The following TPRA1 variants were observed in gnomAD, a reference collection of about 807,000 sequenced individuals.
The protein encoded by TPRA1 is transmembrane protein adipocyte-associated 1.
A neutral mutation model predicts 40.1 loss-of-function variants in TPRA1; 28 were observed. That is an observed-to-expected ratio of 0.70 (90% CI 0.52 to 0.96). The LOEUF (loss-of-function observed/expected upper bound fraction) is 0.96. Among genes scored for constraint, TPRA1 ranks in the 40% least tolerant of loss-of-function variants. TPRA1 has a pLI of 0.00. For missense variants in TPRA1, 441 were observed against 482.6 expected, an observed-to-expected ratio of 0.91 and a Z score of 0.81; for synonymous variants, 219 against 209.7, an observed-to-expected ratio of 1.04 and a Z score of -0.38.
chr3:127,579,713 C>T (rs765837422), intron 3 of TPRA1, 27 bp downstream of exon 3: 1 of 1,611,876 alleles, frequency 6.2e-7, no homozygotes, highest in African/African-American at 1.3e-5. Flanking sequence ...TTGGAGTTGG[C>T]TTTTCTGTCA....
At position 127,573,725 on chromosome 3, in the gene TPRA1, TA is replaced by T; in HGVS notation, c.917del (p.Val306AspfsTer202). 2.5e-6 allele frequency: 4 copies of T among 1,606,474 alleles called. No individual in the cohort carries two copies. The highest frequency in any genetic ancestry group is 3.4e-6 in the Non-Finnish European group (4 of 1,174,036). The stretch of plus-strand genomic sequence containing the variant: ...CCACAGCGTAGGGCTGGGGTAGGTG[TA>T]CATCTGGCTCCTCTGTCTCGTCCAC... ...CQVDETEEPD[V>X]HLPQPYAVAR... On this transcript the variant is annotated frameshift_variant, in exon 11 of 11. Coordinates refer to ENST00000355552, the MANE Select transcript of TPRA1 (RefSeq NM_001136053.4). LOFTEE classifies it high-confidence loss of function.
intron 1 of TPRA1, among the ~76,000 whole-genome samples, chr3:127,597,492 T>C (rs1183557966): frequency 6.6e-6 from 1 of 152,216 alleles, no homozygotes; most frequent in African/African-American, 2.4e-5. Flanking sequence ...ATCCGGATTT[T>C]CTCTCCCTCA....
chr3:127,590,508 C>A lies in TPRA1; in HGVS notation c.-116G>T, dbSNP rs1290860037. Reference sequence around the variant, plus strand: ...CGCGGATCCAGCACAGGCCGCGGGACTCCGGCCTCCAGCGCCAGACCAGGC... The same window carrying A: ...CGCGGATCCAGCACAGGCCGCGGGAATCCGGCCTCCAGCGCCAGACCAGGC... On this transcript the variant is annotated 5_prime_UTR_variant, in exon 1 of 11. Coordinates refer to ENST00000355552, the MANE Select transcript of TPRA1 (RefSeq NM_001136053.4). 6.6e-6 allele frequency: 1 copy of A among 152,282 alleles called. No homozygotes were observed. Among genetic ancestry groups the A allele is most frequent in the Non-Finnish European group, 1.5e-5 (1 of 68,074 alleles). 9.4% of individuals were successfully genotyped at this position (152,282 alleles called of 1,614,324 possible). A position where few individuals can be genotyped will look rare whatever the true frequency, so the allele number is the denominator to read the frequency against.
In TPRA1 at chr3:127,573,399, G is replaced by C; in HGVS notation, c.*122C>G. The C allele has an allele frequency of 1.5e-6, 2 of 1,331,622 alleles. No homozygotes were observed. The highest frequency in any genetic ancestry group is 2.0e-6 in the Non-Finnish European group (2 of 999,946). The allele number at this position is 1,331,622 out of a possible 1,614,324, so 82.5% of individuals were successfully genotyped here. On this transcript the variant is annotated 3_prime_UTR_variant, in exon 11 of 11. Coordinates refer to ENST00000355552, the MANE Select transcript of TPRA1 (RefSeq NM_001136053.4). ...GGTGGGGCCTCCAGACTCATGGTGG[G>C]AACAGGGCCACACAGGGCTACTGCC...
At chr3:127,581,139 G>A (rs889411346) in intron 1 of TPRA1, among the ~76,000 whole-genome samples, 5 of 152,316 alleles carry the variant, frequency 3.3e-5, no homozygotes, top group African/African-American at 1.2e-4. Context: ...GGGAGTTCGG[G>A]GTGATCCAGG....
At chr3:127,595,579 CACCATCTTG>C (rs2074233187), upstream of TPRA1, 1 of 152,372 alleles carries the variant, frequency 6.6e-6, no homozygotes, top group Non-Finnish European at 1.5e-5. Flanking sequence ...TGACCCCATC[CACCATCTTG>C]ACTGCTCTCT....
At chr3:127,585,218 C>G (rs1343446598) in intron 1 of TPRA1, among the ~76,000 whole-genome samples, 1 of 152,136 alleles carries the variant, frequency 6.6e-6, no homozygotes, top group Non-Finnish European at 1.5e-5. Context: ...CAGGAGCCAG[C>G]CTTGGAAAGA....
chr3:127,580,334 ATCCCCCAGGCAGGGGCCCAG>A, intron 1 of TPRA1, 171 bp from the exon 2 acceptor site: 1 of 692,424 alleles, frequency 1.4e-6, no homozygotes, highest in South Asian at 2.1e-5. Context: ...TCACGACCCA[ATCCCCCAGGCAGGGGCCCAG>A]TCCCCCATCT....
intron 1 of TPRA1, among the ~76,000 whole-genome samples, chr3:127,588,572 C>A (rs989674630): frequency 6.6e-6 from 1 of 152,062 alleles, no homozygotes; most frequent in Non-Finnish European, 1.5e-5. Flanking sequence ...AGGTGTGCAC[C>A]ACCACACCCG....
rs370232916 is a variant in TPRA1 at position 127,578,219 on chromosome 3, G to T, written c.259-1143C>A. On this transcript the variant is annotated intron_variant, in intron 3 of 10. Coordinates refer to ENST00000355552, the MANE Select transcript of TPRA1 (RefSeq NM_001136053.4). The stretch of plus-strand genomic sequence containing the variant: ...TGTGTCAGCAGGGCAGGCAGTAAAA[G>T]CAACAAACTACCACACGCCTACTGT... Among the ~76,000 whole-genome samples the T allele has an allele frequency of 2.5e-4, 38 of 152,356 alleles. 1 individual carries two copies. The South Asian group carries it at 7.7e-3, about 31-fold the overall frequency.
chr3:127,581,854 G>A (rs958072864), intron 1 of TPRA1, among the ~76,000 whole-genome samples: 3 of 151,652 alleles, frequency 2.0e-5, no homozygotes, highest in Non-Finnish European at 2.9e-5. Context: ...CCCAGGTGGC[G>A]GAGCTTGCAG....
At chr3:127,585,531 G>A (rs1023075324) in intron 1 of TPRA1, among the ~76,000 whole-genome samples, 2 of 152,328 alleles carry the variant, frequency 1.3e-5, no homozygotes, top group Middle Eastern at 3.4e-3. Flanking sequence ...ATGCATGAGA[G>A]GACAGAGGCT....
Position 127,576,884 on chromosome 3 carries a change from C to A in TPRA1, c.355G>T (p.Glu119Ter), listed in dbSNP as rs2107629240. 1.2e-6 allele frequency: 2 copies of A among 1,613,784 alleles called. No homozygotes were observed. The highest frequency in any genetic ancestry group is 1.7e-6 in the Non-Finnish European group (2 of 1,180,000). The stretch of plus-strand genomic sequence containing the variant: ...GCCAGCAGGAAGAAGCGGGTGATCT[C>A]CCACAGGATCTGCACGCAGAGTGGG... Reference protein sequence around the residue: ...AATVADKILWEITRFFLLAIE... With the variant: ...AATVADKILW The change falls in exon 5 of 11, where the codon GAG becomes TAG. Residue 119 changes from glutamate to a stop codon, truncating the protein, a stop_gained. Transcript: ENST00000355552. LOFTEE classifies it high-confidence loss of function. The surrounding 1 kb of genome is among the most constrained non-coding windows in gnomAD (Gnocchi z 4.6).
chr3:127,573,570 C>T lies in TPRA1; in HGVS notation c.1073G>A (p.Gly358Asp), dbSNP rs1286955811. The T allele has an allele frequency of 6.2e-7, 1 of 1,613,184 alleles. No homozygotes were observed. The highest frequency in any genetic ancestry group is 8.5e-7 in the Non-Finnish European group (1 of 1,180,006). The change falls in exon 11 of 11, where the codon GGC becomes GAC. Residue 358 changes from glycine to aspartate, a missense_variant. By Grantham distance (94) the Gly-to-Asp change is moderately conservative. Transcript: ENST00000355552. ...DDIASMPCHT[G>D]SINSTDSERW... ...CTCGCTGTCTGTGCTGTTGATGCTG[C>T]CAGTGTGGCAGGGCATGGAAGCGAT...
chr3:127,589,072 G>A (rs571440612), intron 1 of TPRA1, among the ~76,000 whole-genome samples: 105 of 151,370 alleles, frequency 6.9e-4, no homozygotes, highest in Non-Finnish European at 1.2e-3. Flanking sequence ...GCAACCCCAG[G>A]CCTCCCAGGA....
Position 127,573,350 on chromosome 3 carries a change from A to C in TPRA1, c.*171T>G. 1.2e-6 allele frequency: 1 copy of C among 814,594 alleles called. No individual in the cohort carries two copies. Among genetic ancestry groups the C allele is most frequent in the Admixed American group, 3.0e-5 (1 of 33,856 alleles). The allele number at this position is 814,594 out of a possible 1,614,324, so 50.5% of individuals were successfully genotyped here. A position where few individuals can be genotyped will look rare whatever the true frequency, so the allele number is the denominator to read the frequency against. ...GGTCCCCAGTGAGAGCAGAGATGGCAAAGGGGATTGGGAGCCCCAGGGAGG... is the reference window on the plus strand; with the variant it reads ...GGTCCCCAGTGAGAGCAGAGATGGCCAAGGGGATTGGGAGCCCCAGGGAGG... On this transcript the variant is annotated 3_prime_UTR_variant, in exon 11 of 11. Coordinates refer to ENST00000355552, the MANE Select transcript of TPRA1 (RefSeq NM_001136053.4).
At chr3:127,587,359 C>A (rs1256705032) in intron 1 of TPRA1, among the ~76,000 whole-genome samples, 1 of 152,128 alleles carries the variant, frequency 6.6e-6, no homozygotes, top group Admixed American at 6.6e-5. Flanking sequence ...CAGCCACATC[C>A]AAAGCCAGTC....
At chr3:127,579,606 A>G in intron 3 of TPRA1, 134 bp downstream of exon 3, 2 of 1,048,026 alleles carry the variant, frequency 1.9e-6, no homozygotes, top group South Asian at 1.6e-5. Context: ...AGATGCAGAA[A>G]CAGATCCTAA....
At chr3:127,585,803 G>A (rs779825348) in intron 1 of TPRA1, among the ~76,000 whole-genome samples, 4 of 152,010 alleles carry the variant, frequency 2.6e-5, no homozygotes, top group Admixed American at 6.6e-5. Flanking sequence ...TTCAAGCAGG[G>A]GCCCCTCCCC....
Sources: gnomAD v4.1 joint callset for allele counts (sites outside exome capture counted in the v4.1 genomes callset) on GRCh38, gnomAD v4.1.1 for gene constraint, Gnocchi (gnomAD v3.1) non-coding constraint, MANE v1.5 for transcripts, NCBI Gene and HGNC (gene_info 2026-07-23, HGNC 2026-07-21) for gene names.